SHANK2: variants seen among roughly 807,000 people sequenced by gnomAD.
The protein encoded by SHANK2 is SH3 and multiple ankyrin repeat domains protein 2.
Under a neutral mutation model 133.7 loss-of-function variants are expected in SHANK2, and 43 were observed. That is an observed-to-expected ratio of 0.32 (90% CI 0.25 to 0.41). The LOEUF is 0.41. Ranked by LOEUF, SHANK2 falls within the 10% of genes least tolerant of loss-of-function variation. SHANK2 has a pLI of 1.00. For synonymous variants in SHANK2, 1,017 were observed against 952.8 expected, an observed-to-expected ratio of 1.07 and a Z score of -1.24; for missense variants, 1,994 against 2,235.8, an observed-to-expected ratio of 0.89 and a Z score of 2.18.
intron 14 of SHANK2, among the ~76,000 whole-genome samples, chr11:70,727,192 G>A (rs1946195633): frequency 1.3e-5 from 2 of 152,258 alleles, no homozygotes; most frequent in Non-Finnish European, 2.9e-5. Context: ...GACAAATCTT[G>A]CCTCTGGCAC....
chr11:70,640,094 C>G (rs915707508), intron 17 of SHANK2, among the ~76,000 whole-genome samples: 1 of 152,216 alleles, frequency 6.6e-6, no homozygotes, highest in Non-Finnish European at 1.5e-5. Flanking sequence ...CCACGCACAG[C>G]TAGTGCAGTG....
chr11:70,599,789 A>C (rs1278424066), intron 17 of SHANK2, among the ~76,000 whole-genome samples: 1 of 149,736 alleles, frequency 6.7e-6, no homozygotes, highest in African/African-American at 2.5e-5. Context: ...GAGATTCTGA[A>C]AGAAGAAAAG....
chr11:70,734,370 T>C (rs1211125315), intron 14 of SHANK2, among the ~76,000 whole-genome samples: 1 of 152,076 alleles, frequency 6.6e-6, no homozygotes, highest in Admixed American at 6.5e-5. Context: ...ACTTCAAAGG[T>C]GAGGCGCATT....
At chr11:70,488,739 A>G (rs906489252) in intron 24 of SHANK2, among the ~76,000 whole-genome samples, 2 of 152,260 alleles carry the variant, frequency 1.3e-5, no homozygotes, top group African/African-American at 2.4e-5. Context: ...GTGGACCACC[A>G]TAATCGCAAC....
At chr11:71,127,442 G>A (rs536532368) in intron 3 of SHANK2, among the ~76,000 whole-genome samples, 5 of 152,272 alleles carry the variant, frequency 3.3e-5, no homozygotes, top group Admixed American at 2.0e-4. Context: ...CAGAGAAATC[G>A]TTCGTGAGTC....
intron 15 of SHANK2, among the ~76,000 whole-genome samples, chr11:70,674,549 AT>A (rs1291715753): frequency 1.3e-5 from 2 of 152,218 alleles, no homozygotes; most frequent in African/African-American, 2.4e-5. Flanking sequence ...GGGTTTTGCC[AT>A]GTTGGCCAGG....
chr11:70,880,157 G>A (rs965845874), intron 11 of SHANK2, among the ~76,000 whole-genome samples: 9 of 152,220 alleles, frequency 5.9e-5, no homozygotes, highest in African/African-American at 1.9e-4. Flanking sequence ...GCTAGCCTGG[G>A]CATAGATAAC....
At position 70,489,317 on chromosome 11, in the gene SHANK2, G is replaced by A; in HGVS notation, c.2572+11C>T. 3 of 1,612,940 alleles carry A rather than the reference G, an allele frequency of 1.9e-6. No individual in the cohort carries two copies. Among genetic ancestry groups the A allele is most frequent in the Non-Finnish European group, 2.5e-6 (3 of 1,178,902 alleles). On this transcript the variant is annotated intron_variant, in intron 24 of 25. Transcript: ENST00000601538. ...TCAGATTACAGATTCCAAACCGTAA[G>A]GTTCACTAACCTGATAGAAAGATTC...
intron 12 of SHANK2, among the ~76,000 whole-genome samples, chr11:70,811,238 G>C (rs1371140138): frequency 6.6e-6 from 1 of 152,204 alleles, no homozygotes; most frequent in Non-Finnish European, 1.5e-5. Flanking sequence ...CACAGAGCAG[G>C]AGTCACAGGG....
chr11:70,685,514 G>C (rs951516911), intron 15 of SHANK2, among the ~76,000 whole-genome samples: 40 of 152,252 alleles, frequency 2.6e-4, no homozygotes, highest in African/African-American at 8.2e-4. Flanking sequence ...CAGGGCCTGG[G>C]AGTGCAGCCT....
chr11:70,543,199 C>T (rs557384158), intron 17 of SHANK2, among the ~76,000 whole-genome samples: 3 of 152,298 alleles, frequency 2.0e-5, no homozygotes, highest in East Asian at 1.9e-4. Context: ...ACACAGTCTG[C>T]GTTGTGAAAT....
chr11:71,101,149 T>C (rs1951710811), intron 6 of SHANK2, among the ~76,000 whole-genome samples: 1 of 152,120 alleles, frequency 6.6e-6, no homozygotes, highest in Non-Finnish European at 1.5e-5. Context: ...GAAGTGAAAG[T>C]GCATAGGGGA....
At chr11:71,130,950 C>T (rs1327939282) in intron 3 of SHANK2, among the ~76,000 whole-genome samples, 2 of 152,340 alleles carry the variant, frequency 1.3e-5, no homozygotes, top group East Asian at 1.9e-4. Context: ...TACAAAGAAG[C>T]GCATTTCACA....
chr11:70,820,556 G>T lies in SHANK2; in HGVS notation c.1301C>A (p.Ala434Asp). 1.4e-6 allele frequency: 1 copy of T among 717,004 alleles called. No homozygotes were observed. The highest frequency in any genetic ancestry group is 2.6e-6 in the Non-Finnish European group (1 of 384,760). 44.4% of individuals were successfully genotyped at this position (717,004 alleles called of 1,614,324 possible). A position where few individuals can be genotyped will look rare whatever the true frequency, so the allele number is the denominator to read the frequency against. Residue 434 changes from alanine to aspartate, a missense_variant, in exon 12 of 26, where the codon GCC (alanine) becomes GAC (aspartate). Ala to Asp is a moderately radical substitution (Grantham distance 126). Around this residue, in one of 5 missense-constraint regions of SHANK2, gnomAD observed 653 missense variants for 563.4 expected, o/e 1.16. Coordinates refer to ENST00000601538, the MANE Select transcript of SHANK2 (RefSeq NM_012309.5). Reference sequence around the variant, plus strand: ...GTGCGAGGTGGCCGTGGAGCAGACGGCCCAGTCGGGAGCGCTGGCATTGAG... The same window carrying T: ...GTGCGAGGTGGCCGTGGAGCAGACGTCCCAGTCGGGAGCGCTGGCATTGAG... ...NNLNASAPDW[A>D]VCSTATSHRS...
In SHANK2 at chr11:70,822,009, C is replaced by T. The variant is rs185688955; in HGVS notation, c.1175-1327G>A. ...TGGGAGCTTTGAGGGGTGGCAGCCACGCCGCAGCTGCCTTGGTTTACCCAG... is the reference window on the plus strand; with the variant it reads ...TGGGAGCTTTGAGGGGTGGCAGCCATGCCGCAGCTGCCTTGGTTTACCCAG... On this transcript the variant is annotated intron_variant, in intron 11 of 25. Transcript: ENST00000601538. Among the ~76,000 whole-genome samples the T allele has an allele frequency of 6.6e-3, 1,001 of 152,340 alleles. 3 individuals carry two copies. The highest frequency in any genetic ancestry group is 0.011 in the Non-Finnish European group (735 of 68,026).
intron 17 of SHANK2, among the ~76,000 whole-genome samples, chr11:70,560,896 G>C (rs2059901722): frequency 6.6e-6 from 1 of 151,794 alleles, no homozygotes; most frequent in Non-Finnish European, 1.5e-5. Flanking sequence ...CAAAGTGCCG[G>C]GATTACAGGC....
intron 17 of SHANK2, among the ~76,000 whole-genome samples, chr11:70,520,271 G>A (rs573863471): frequency 6.0e-4 from 91 of 152,150 alleles, no homozygotes; most frequent in Non-Finnish European, 9.1e-4. Context: ...TTTACCTGAC[G>A]TCCCTTGTCT....
chr11:70,620,456 C>A (rs1484884122), intron 17 of SHANK2, among the ~76,000 whole-genome samples: 17 of 152,304 alleles, frequency 1.1e-4, no homozygotes, highest in African/African-American at 4.1e-4. Context: ...AAGAAACACA[C>A]AGAGCTCCAA....
At chr11:70,757,936 G>C (rs558909976) in intron 14 of SHANK2, among the ~76,000 whole-genome samples, 13 of 152,260 alleles carry the variant, frequency 8.5e-5, no homozygotes, top group African/African-American at 3.1e-4. Flanking sequence ...CTGAGATCAC[G>C]GTGTCTGTAG....
Sources: allele counts gnomAD v4.1 joint callset (sites outside exome capture counted in the v4.1 genomes callset), GRCh38; gene constraint gnomAD v4.1.1; regional missense constraint gnomAD v4.1.1; transcripts MANE v1.5; gene names NCBI Gene and HGNC (gene_info 2026-07-23, HGNC 2026-07-21).